Variants in ADI1 observed in about 807,000 individuals in gnomAD.
ADI1 encodes acireductone dioxygenase 1.
A neutral mutation model predicts 18.7 loss-of-function variants in ADI1; 21 were observed. That is an observed-to-expected ratio of 1.13 (90% confidence interval 0.80 to 1.62). ADI1 has a LOEUF of 1.62. Ranked by LOEUF, ADI1 falls within the 40% of genes most tolerant of loss-of-function variation. The pLI, the probability that ADI1 is intolerant of heterozygous loss-of-function variation, is 0.00. For missense variants in ADI1, 245 were observed against 254.9 expected, an observed-to-expected ratio of 0.96 and a Z score of 0.26; for synonymous variants, 90 against 100.1, an observed-to-expected ratio of 0.90 and a Z score of 0.60.
chr2:3,514,799 A>G (rs1295332485), intron 1 of ADI1: 1 of 1,548,686 alleles, frequency 6.5e-7, no homozygotes, highest in Non-Finnish European at 8.7e-7. Context: ...TTATATCATC[A>G]CTACTTACTG....
intron 3 of ADI1, among the ~76,000 whole-genome samples, chr2:3,499,286 C>T (rs1666940747): frequency 6.6e-6 from 1 of 152,236 alleles, no homozygotes; most frequent in Non-Finnish European, 1.5e-5. Context: ...TGCCTGTCCT[C>T]ACGTGCCAGG....
rs1309968349 is a variant in ADI1 at position 3,515,016 on chromosome 2, G to GA, written c.121-1041dup. The GA allele has an allele frequency of 5.3e-6, 4 of 759,510 alleles. No homozygotes were observed. The Admixed American group carries it at 1.4e-4, about 26-fold the overall frequency. 47.0% of individuals were successfully genotyped at this position (759,510 alleles called of 1,614,324 possible). On this transcript the variant is annotated intron_variant, in intron 1 of 3. Coordinates refer to ENST00000327435, the MANE Select transcript of ADI1 (RefSeq NM_018269.4). ...ATGTATGTCACCTCAGGACCACTGT[G>GA]ATAATTGTGTTAACTGTACAAATTG...
intron 2 of ADI1, among the ~76,000 whole-genome samples, chr2:3,513,335 C>T (rs532910676): frequency 4.1e-4 from 63 of 152,122 alleles, no homozygotes; most frequent in Non-Finnish European, 7.5e-4. Context: ...TGGGAGGGGC[C>T]GGGGCAGAAT....
chr2:3,513,764 A>G, intron 2 of ADI1, 93 bp downstream of exon 2: 5 of 1,368,140 alleles, frequency 3.7e-6, no homozygotes, highest in Non-Finnish European at 4.9e-6. Context: ...ATGGCCTCAT[A>G]CAGACATTAA....
At chr2:3,505,720 A>G (rs1440744126) in intron 2 of ADI1, among the ~76,000 whole-genome samples, 1 of 152,148 alleles carries the variant, frequency 6.6e-6, no homozygotes, top group African/African-American at 2.4e-5. Flanking sequence ...ACTGAATACT[A>G]TGATCCCCCT....
At chr2:3,501,207 G>GTT (rs2103201339) in intron 2 of ADI1, among the ~76,000 whole-genome samples, 1 of 152,324 alleles carries the variant, frequency 6.6e-6, no homozygotes, top group South Asian at 2.1e-4. Flanking sequence ...CAAATGGGCA[G>GTT]TAACTGAAAG....
chr2:3,509,656 C>T (rs1011552608), intron 2 of ADI1, among the ~76,000 whole-genome samples: 3 of 151,736 alleles, frequency 2.0e-5, no homozygotes, highest in Non-Finnish European at 2.9e-5. Flanking sequence ...AAAAGTATAT[C>T]GAAATTATCA....
At chr2:3,503,521 TCA>T (rs1216694568) in intron 2 of ADI1, among the ~76,000 whole-genome samples, 4 of 142,900 alleles carry the variant, frequency 2.8e-5, no homozygotes, top group Admixed American at 1.4e-4. Context: ...ATTCACACAC[TCA>T]CATGCACACA....
At chr2:3,502,337 G>T (rs1001067845) in intron 2 of ADI1, among the ~76,000 whole-genome samples, 6 of 151,988 alleles carry the variant, frequency 3.9e-5, no homozygotes, top group African/African-American at 1.5e-4. Context: ...AGCCTACCTT[G>T]TTATGTGTTA....
At chr2:3,501,049 C>G (rs1666994415) in intron 2 of ADI1, 56 bp from the exon 3 acceptor site, 1 of 1,465,128 alleles carries the variant, frequency 6.8e-7, no homozygotes, top group Non-Finnish European at 9.1e-7. Context: ...CGCAAGCTCA[C>G]ACCCACCCAC....
In ADI1 at chr2:3,503,504, C is replaced by G. The variant is rs6749249; in HGVS notation, c.241-2511G>C. 2.3e-5 allele frequency among the ~76,000 whole-genome samples: 2 copies of G among 87,920 alleles called. 1 individual carries two copies. Among genetic ancestry groups the G allele is most frequent in the Non-Finnish European group, 4.0e-5 (2 of 49,558 alleles). 57.7% of individuals were successfully genotyped at this position (87,920 alleles called of 152,430 possible). A position where few individuals can be genotyped will look rare whatever the true frequency, so the allele number is the denominator to read the frequency against. On this transcript the variant is annotated intron_variant, in intron 2 of 3. Transcript: ENST00000327435. ...ACACTCATGCACACGTACACACACACGCCTACATTCACACACTCACATGCA... is the reference window on the plus strand; with the variant it reads ...ACACTCATGCACACGTACACACACAGGCCTACATTCACACACTCACATGCA...
In ADI1 at chr2:3,519,369, T is replaced by A; in HGVS notation, c.119A>T (p.Lys40Met). The A allele has an allele frequency of 7.0e-7, 1 of 1,433,418 alleles. No individual in the cohort carries two copies. Among genetic ancestry groups the A allele is most frequent in the Non-Finnish European group, 9.1e-7 (1 of 1,100,868 alleles). 88.8% of individuals were successfully genotyped at this position (1,433,418 alleles called of 1,614,324 possible). ...TCTGCGAGGCTTGGGCTCGCGTACC[T>A]TCCAGTAGAGCACCCCGAGCCGCCG... is the stretch of plus-strand genomic sequence containing the variant. ...QLRRLGVLYW[K>M]LDADKYENDP... The change falls in exon 1 of 4, where the codon AAG (lysine) becomes ATG (methionine). Residue 40 changes from lysine (K) to methionine (M), a missense_variant and splice_region_variant. Physicochemically the swap from Lys to Met is moderately conservative, Grantham distance 95 (BLOSUM62 -1). Coordinates refer to ENST00000327435, the MANE Select transcript of ADI1 (RefSeq NM_018269.4).
intron 2 of ADI1, among the ~76,000 whole-genome samples, chr2:3,502,774 T>A (rs188627420): frequency 6.6e-6 from 1 of 152,106 alleles, no homozygotes; most frequent in Admixed American, 6.5e-5. Flanking sequence ...CTCTTGAACA[T>A]ATTATTTTGA....
intron 2 of ADI1, among the ~76,000 whole-genome samples, chr2:3,505,563 C>G (rs1247974458): frequency 2.0e-5 from 3 of 152,198 alleles, no homozygotes; most frequent in African/African-American, 7.2e-5. Context: ...TGAAGTCTAT[C>G]AGGATACATC....
At chr2:3,514,712 C>A (rs962029999) in intron 1 of ADI1, 4 of 1,449,042 alleles carry the variant, frequency 2.8e-6, no homozygotes, top group Non-Finnish European at 3.7e-6. Context: ...AAGCTCCAGG[C>A]AGAATTCATC....
In ADI1 at chr2:3,503,359, TCA is replaced by T. The variant is rs574343800; in HGVS notation, c.241-2368_241-2367del. On this transcript the variant is annotated intron_variant, in intron 2 of 3. Coordinates refer to ENST00000327435, the MANE Select transcript of ADI1 (RefSeq NM_018269.4). ...CATACACACGTACTCACACGCACAT[TCA>T]CACACATGCACACATACACACGTAC... Among the ~76,000 whole-genome samples the T allele has an allele frequency of 2.6e-4, 30 of 116,068 alleles. 3 individuals are homozygous for T. The highest frequency in any genetic ancestry group is 1.2e-3 in the African/African-American group (24 of 19,664). 76.1% of individuals were successfully genotyped at this position (116,068 alleles called of 152,430 possible).
At chr2:3,502,474 C>T (rs1430578323) in intron 2 of ADI1, among the ~76,000 whole-genome samples, 5 of 118,498 alleles carry the variant, frequency 4.2e-5, no homozygotes, top group Admixed American at 9.7e-5. Context: ...TTTTTTGAGA[C>T]GGAATTTCAC....
intron 2 of ADI1, among the ~76,000 whole-genome samples, chr2:3,504,695 C>T (rs1332023658): frequency 6.6e-6 from 1 of 152,160 alleles, no homozygotes; most frequent in Non-Finnish European, 1.5e-5. Context: ...GTTGGTTCAC[C>T]TGTGTATGTC....
chr2:3,498,226 T>A lies in ADI1; in HGVS notation c.*737A>T, dbSNP rs1666907981. The A allele has an allele frequency of 6.6e-6, 1 of 152,218 alleles. No homozygotes were observed. Among genetic ancestry groups the A allele is most frequent in the Non-Finnish European group, 1.5e-5 (1 of 68,034 alleles). 9.4% of individuals were successfully genotyped at this position (152,218 alleles called of 1,614,324 possible). Reference sequence around the variant, plus strand: ...ATGACAAACTAGGCATAATCCTATCTCGGAATTGTTGAGTAGAAAATTTAT... The same window carrying A: ...ATGACAAACTAGGCATAATCCTATCACGGAATTGTTGAGTAGAAAATTTAT... On this transcript the variant is annotated 3_prime_UTR_variant, in exon 4 of 4. Transcript: ENST00000327435.
Sources: allele counts gnomAD v4.1 joint callset (sites outside exome capture counted in the v4.1 genomes callset), GRCh38; gene constraint gnomAD v4.1.1; transcripts MANE v1.5; gene names NCBI Gene and HGNC (gene_info 2026-07-23, HGNC 2026-07-21).